Variants in PISD observed in about 807,000 individuals in gnomAD.
PISD encodes the protein phosphatidylserine decarboxylase.
Under a neutral mutation model 43.5 loss-of-function variants are expected in PISD, and 31 were observed. That is an observed-to-expected ratio of 0.71 (90% confidence interval 0.54 to 0.96). PISD has a LOEUF of 0.96. Among genes scored for constraint, PISD ranks in the 40% least tolerant of loss-of-function variants. The probability of loss-of-function intolerance (pLI) is 0.00; values close to 1 mark genes in which losing one functional copy is unlikely to be tolerated. For missense variants in PISD, 523 were observed against 548.4 expected, an observed-to-expected ratio of 0.95 and a Z score of 0.46; for synonymous variants, 259 against 228.7, an observed-to-expected ratio of 1.13 and a Z score of -1.20.
At chr22:31,648,664 T>A (rs1228173046) in intron 2 of PISD, among the ~76,000 whole-genome samples, 1 of 146,848 alleles carries the variant, frequency 6.8e-6, no homozygotes, top group Non-Finnish European at 1.5e-5. Context: ...GAGACTCCAT[T>A]TCAAAAAAAA....
chr22:31,640,880 G>GTT (rs1214973570), intron 3 of PISD, among the ~76,000 whole-genome samples: 21 of 24,600 alleles, frequency 8.5e-4, no homozygotes, highest in Non-Finnish European at 1.2e-3. Flanking sequence ...CACACCCGGT[G>GTT]TTTTTTTTTT....
chr22:31,661,211 G>C (rs974276082), intron 1 of PISD, among the ~76,000 whole-genome samples: 7 of 152,126 alleles, frequency 4.6e-5, no homozygotes, highest in Non-Finnish European at 7.4e-5. Flanking sequence ...TTCATAACAA[G>C]ACCAATGATG....
chr22:31,633,305 C>T (rs2073282935), intron 3 of PISD, among the ~76,000 whole-genome samples: 1 of 152,218 alleles, frequency 6.6e-6, no homozygotes, highest in African/African-American at 2.4e-5. Context: ...CTCCCATGTG[C>T]TGAGAGATCT....
At chr22:31,645,399 C>T (rs1268649177) in intron 3 of PISD, among the ~76,000 whole-genome samples, 2 of 151,878 alleles carry the variant, frequency 1.3e-5, no homozygotes, top group African/African-American at 2.4e-5. Flanking sequence ...GAGCAAGGCC[C>T]TGCCTCAAAT....
intron 3 of PISD, among the ~76,000 whole-genome samples, chr22:31,632,769 T>C (rs920415918): frequency 2.0e-5 from 3 of 152,228 alleles, no homozygotes; most frequent in African/African-American, 7.2e-5. Flanking sequence ...TCTAACTTTT[T>C]ATTAATCATT....
At chr22:31,620,502 G>C in intron 7 of PISD, 51 bp downstream of exon 7, 1 of 1,578,994 alleles carries the variant, frequency 6.3e-7, no homozygotes, top group Admixed American at 1.7e-5. Flanking sequence ...AAGGCAGGTA[G>C]ACCCAAGAGG....
In PISD at chr22:31,646,682, T is replaced by C. The variant is rs75939412; in HGVS notation, c.321+1419A>G. On this transcript the variant is annotated intron_variant, in intron 3 of 7. Coordinates refer to ENST00000439502, the MANE Select transcript of PISD (RefSeq NM_001326411.2). The stretch of plus-strand genomic sequence containing the variant: ...TGGGTTTAACACTTGAGGGGGGTCA[T>C]GCAGTCACAGTCACGTGCTACCTAC... Among the ~76,000 whole-genome samples the C allele has an allele frequency of 6.1e-3, 928 of 152,260 alleles. 13 individuals carry two copies. Among genetic ancestry groups the C allele is most frequent in the African/African-American group, 0.021 (874 of 41,558 alleles).
intron 3 of PISD, among the ~76,000 whole-genome samples, chr22:31,631,395 C>T (rs1350740034): frequency 6.6e-6 from 1 of 152,216 alleles, no homozygotes; most frequent in Non-Finnish European, 1.5e-5. Context: ...CAAGGCTGCT[C>T]CCACCCCAAC....
At position 31,621,345 on chromosome 22, in the gene PISD, G is replaced by C; in HGVS notation, c.686C>G (p.Pro229Arg). Reference sequence around the variant, plus strand: ...GTGCAGTGACCCACCTGGTGGGAAGGGCAGGTCCTCTGTGCACATACGCGG... The same window carrying C: ...GTGCAGTGACCCACCTGGTGGGAAGCGCAGGTCCTCTGTGCACATACGCGG... The part of the protein sequence containing the change: ...LGPRMCTEDL[P>R]FPPAASCDSF... Residue 229 changes from proline to arginine, a missense_variant, in exon 5 of 8, where the codon CCC becomes CGC. Transcript: ENST00000439502. 6.2e-7 allele frequency: 1 copy of C among 1,614,060 alleles called. No homozygotes were observed. Among genetic ancestry groups the C allele is most frequent in the Non-Finnish European group, 8.5e-7 (1 of 1,180,024 alleles).
In PISD at chr22:31,638,955, G is replaced by A. The variant is rs567316731; in HGVS notation, c.321+9146C>T. On this transcript the variant is annotated intron_variant, in intron 3 of 7. Coordinates refer to ENST00000439502, the MANE Select transcript of PISD (RefSeq NM_001326411.2). The stretch of plus-strand genomic sequence containing the variant: ...CGTGGTGAGCCCTGCTCACACCACT[G>A]CACTCCAGACTGGATGACAGAGTGA... 8.6e-5 allele frequency among the ~76,000 whole-genome samples: 13 copies of A among 151,632 alleles called. No homozygotes were observed. The South Asian group carries it at 2.5e-3, about 29-fold the overall frequency.
At chr22:31,623,782 G>C in intron 3 of PISD, 1 of 1,614,164 alleles carries the variant, frequency 6.2e-7, no homozygotes, top group Non-Finnish European at 8.5e-7. Context: ...CGCAGTTTCA[G>C]AGCGGGTCTG....
chr22:31,662,260 GC>G, upstream of PISD: 1 of 1,554,748 alleles, frequency 6.4e-7, no homozygotes, highest in Non-Finnish European at 8.8e-7. Flanking sequence ...CTGGGCGCAC[GC>G]TTAAGGCGTC....
intron 3 of PISD, chr22:31,629,002 C>T: frequency 5.1e-6 from 5 of 985,402 alleles, no homozygotes; most frequent in East Asian, 1.1e-4. Flanking sequence ...GAAACAATGG[C>T]TGATAGGACC....
rs1334216088 is a variant in PISD at position 31,619,794 on chromosome 22, T to C, written c.1048A>G (p.Asn350Asp). 14 of 1,613,978 alleles carry C rather than the reference T, an allele frequency of 8.7e-6. No individual in the cohort carries two copies. Among genetic ancestry groups the C allele is most frequent in the Non-Finnish European group, 1.2e-5 (14 of 1,180,002 alleles). ...NSPRHSKGSY[N>D]DFSFVTHTNR... Reference sequence around the variant, plus strand: ...GTGTGCGTCACGAAGCTGAAGTCATTGTAGGAGCCCTTGCTGTGCCTTGGG... The same window carrying C: ...GTGTGCGTCACGAAGCTGAAGTCATCGTAGGAGCCCTTGCTGTGCCTTGGG... The change falls in exon 8 of 8, where the codon AAT becomes GAT. Residue 350 changes from asparagine to aspartate, a missense_variant. Asn to Asp is a conservative substitution (Grantham distance 23). Coordinates refer to ENST00000439502, the MANE Select transcript of PISD (RefSeq NM_001326411.2).
At chr22:31,658,394 C>T (rs1050727619) in intron 1 of PISD, among the ~76,000 whole-genome samples, 1 of 152,134 alleles carries the variant, frequency 6.6e-6, no homozygotes, top group Non-Finnish European at 1.5e-5. Flanking sequence ...GACAATCATG[C>T]AAAACCTTAG....
At chr22:31,626,616 G>C (rs2072923709) in intron 3 of PISD, among the ~76,000 whole-genome samples, 1 of 152,158 alleles carries the variant, frequency 6.6e-6, no homozygotes, top group African/African-American at 2.4e-5. Context: ...CCTGGGGCTG[G>C]GAACAGGCCA....
At chr22:31,632,815 A>G (rs576277236) in intron 3 of PISD, among the ~76,000 whole-genome samples, 5 of 152,354 alleles carry the variant, frequency 3.3e-5, no homozygotes, top group Admixed American at 1.3e-4. Flanking sequence ...TCAATGGTTA[A>G]TATTAGAAAT....
chr22:31,636,689 G>A (rs982561106), intron 3 of PISD, among the ~76,000 whole-genome samples: 10 of 152,240 alleles, frequency 6.6e-5, no homozygotes, highest in African/African-American at 9.6e-5. Context: ...ACAGGCGCCC[G>A]CCACCACGCC....
At position 31,630,366 on chromosome 22, in the gene PISD, C is replaced by T. The variant is rs2073143919; in HGVS notation, c.322-8481G>A. On this transcript the variant is annotated intron_variant, in intron 3 of 7. Coordinates refer to ENST00000439502, the MANE Select transcript of PISD (RefSeq NM_001326411.2). The surrounding 1 kb of genome is among the most constrained non-coding windows in gnomAD (Gnocchi z 4.4). ...CGCCCTCTTCCCCAGGCGGCCTGCC[C>T]CCAGGCCCTCCGGCAGCACCAAGGA... 2.0e-5 allele frequency among the ~76,000 whole-genome samples: 3 copies of T among 152,138 alleles called. No homozygotes were observed. In the South Asian group the frequency reaches 6.2e-4, roughly 31 times the overall value.
Sources: allele counts gnomAD v4.1 joint callset (sites outside exome capture counted in the v4.1 genomes callset), GRCh38; gene constraint gnomAD v4.1.1; non-coding constraint Gnocchi (gnomAD v3.1); transcripts MANE v1.5; gene names NCBI Gene and HGNC (gene_info 2026-07-23, HGNC 2026-07-21).